The following GFOD2 variants were observed in gnomAD, a reference collection of about 807,000 sequenced individuals.
GFOD2 encodes glucose-fructose oxidoreductase domain-containing protein 2.
GFOD2 carries 9 observed loss-of-function variants against 24.6 expected under a neutral mutation model. The observed-to-expected ratio is 0.37, with a 90% CI of 0.22 to 0.64. The LOEUF is 0.64. Among genes scored for constraint, GFOD2 ranks in the 30% least tolerant of loss-of-function variants. The pLI, the probability that GFOD2 is intolerant of heterozygous loss-of-function variation, is 0.65. For missense variants in GFOD2, 476 were observed against 532.5 expected (o/e 0.89, Z 1.04); for synonymous variants, 211 against 224.8 (o/e 0.94, Z 0.55).
intron 1 of GFOD2, among the ~76,000 whole-genome samples, chr16:67,717,752 C>T (rs558539560): frequency 1.3e-5 from 2 of 151,066 alleles, no homozygotes; most frequent in African/African-American, 4.9e-5. Context: ...GATCGCACCA[C>T]TGCACTCCAG....
intron 2 of GFOD2, chr16:67,677,395 GA>G (rs1194580454): frequency 6.6e-6 from 1 of 152,178 alleles, no homozygotes; most frequent in Non-Finnish European, 1.5e-5. Flanking sequence ...ATTTTTAGTG[GA>G]GACAGGGTTT....
intron 1 of GFOD2, among the ~76,000 whole-genome samples, chr16:67,696,414 G>A (rs1341196953): frequency 3.3e-5 from 5 of 151,450 alleles, no homozygotes; most frequent in Non-Finnish European, 7.4e-5. Flanking sequence ...TGATAATTTT[G>A]AGCCAATATG....
chr16:67,690,268 T>C (rs1192985605), intron 1 of GFOD2, among the ~76,000 whole-genome samples: 2 of 152,248 alleles, frequency 1.3e-5, no homozygotes, highest in Non-Finnish European at 2.9e-5. Context: ...ACAGTGGCTG[T>C]ACCATTTTAC....
In GFOD2 at chr16:67,675,239, C is replaced by T; in HGVS notation, c.1074G>A (p.Gly358=). The change falls in exon 3 of 3, where the codon GGG becomes GGA. Residue 358 remains glycine, a synonymous_variant. Coordinates refer to ENST00000268797, the MANE Select transcript of GFOD2 (RefSeq NM_030819.4). ...VDAIKRSSRS[G]EWEAVEVLTE... ...TCAGCACCTCCACAGCCTCCCACTCCCCGGATCGGCTCGACCTCTTGATGG... is the reference window on the plus strand; with the variant it reads ...TCAGCACCTCCACAGCCTCCCACTCTCCGGATCGGCTCGACCTCTTGATGG... 1 of 1,613,692 alleles carries T rather than the reference C, an allele frequency of 6.2e-7. No individual in the cohort carries two copies. Among genetic ancestry groups the T allele is most frequent in the Non-Finnish European group, 8.5e-7 (1 of 1,180,038 alleles).
chr16:67,697,405 A>G (rs1262261938), intron 1 of GFOD2, among the ~76,000 whole-genome samples: 2 of 152,234 alleles, frequency 1.3e-5, no homozygotes, highest in African/African-American at 2.4e-5. Context: ...CTCTTCTTCA[A>G]AAGTTGAGTA....
Position 67,712,972 on chromosome 16 carries a change from G to A in GFOD2, c.-88+6191C>T, listed in dbSNP as rs561279282. 7.4e-5 allele frequency among the ~76,000 whole-genome samples: 7 copies of A among 95,078 alleles called. 1 individual carries two copies. Among genetic ancestry groups the A allele is most frequent in the Admixed American group, 2.9e-4 (3 of 10,408 alleles). 62.4% of individuals were successfully genotyped at this position (95,078 alleles called of 152,430 possible). On this transcript the variant is annotated intron_variant, in intron 1 of 2. Transcript: ENST00000268797. ...GATGTGAGGAGCGCCTCTGCTGGGC[G>A]CTCAAGTTCAAGTGATTTTCCTGCC... is the stretch of plus-strand genomic sequence containing the variant.
At chr16:67,685,867 T>G in intron 1 of GFOD2, 65 bp from the exon 2 acceptor site, 1 of 947,894 alleles carries the variant, frequency 1.1e-6, no homozygotes, top group Non-Finnish European at 1.5e-6. Context: ...TACTTTCTTT[T>G]TTTTTTGAGA....
At chr16:67,708,006 G>A (rs186896608) in intron 1 of GFOD2, among the ~76,000 whole-genome samples, 11 of 152,214 alleles carry the variant, frequency 7.2e-5, no homozygotes, top group African/African-American at 1.9e-4. Flanking sequence ...TGGCTGAGGC[G>A]GAGGGAATCG....
chr16:67,692,819 G>C (rs570440666), intron 1 of GFOD2, among the ~76,000 whole-genome samples: 2 of 151,596 alleles, frequency 1.3e-5, no homozygotes, highest in East Asian at 3.9e-4. Context: ...GAGGTCAGGA[G>C]ATTGAGACCA....
chr16:67,702,801 T>C lies in GFOD2; in HGVS notation c.-88+16362A>G, dbSNP rs1338313202. Reference sequence around the variant, plus strand: ...TTAGTAGAGATGGGGTTTCACCATGTTGGCCAGGCTAGTATTGAACTCCTG... The same window carrying C: ...TTAGTAGAGATGGGGTTTCACCATGCTGGCCAGGCTAGTATTGAACTCCTG... On this transcript the variant is annotated intron_variant, in intron 1 of 2. Transcript: ENST00000268797. 2.0e-5 allele frequency among the ~76,000 whole-genome samples: 3 copies of C among 151,964 alleles called. No individual in the cohort carries two copies. In the East Asian group the frequency reaches 6.0e-4, roughly 30 times the overall value.
At chr16:67,713,182 C>T (rs1262498919) in intron 1 of GFOD2, among the ~76,000 whole-genome samples, 1 of 151,780 alleles carries the variant, frequency 6.6e-6, no homozygotes, top group Non-Finnish European at 1.5e-5. Context: ...CCACACTGGC[C>T]AGACATAAGC....
intron 1 of GFOD2, among the ~76,000 whole-genome samples, chr16:67,710,399 T>G (rs1331409255): frequency 6.6e-6 from 1 of 151,960 alleles, no homozygotes; most frequent in Admixed American, 6.6e-5. Context: ...CTTTGTTTTT[T>G]GAGACGAAGT....
intron 1 of GFOD2, among the ~76,000 whole-genome samples, chr16:67,690,398 ATTT>A (rs1299554106): frequency 5.1e-5 from 7 of 137,112 alleles, no homozygotes; most frequent in Admixed American, 1.5e-4. Flanking sequence ...ATTATTCACT[ATTT>A]TTTTTTTTTT....
At chr16:67,694,985 CTCTTT>C (rs1430196056) in intron 1 of GFOD2, among the ~76,000 whole-genome samples, 2 of 145,808 alleles carry the variant, frequency 1.4e-5, no homozygotes, top group Non-Finnish European at 3.0e-5. Context: ...CTCCATCTCT[CTCTTT>C]TTTTTTTTTT....
chr16:67,713,056 T>A (rs2053487100), intron 1 of GFOD2, among the ~76,000 whole-genome samples: 1 of 146,576 alleles, frequency 6.8e-6, no homozygotes, highest in Admixed American at 6.7e-5. Flanking sequence ...CTAATTTTTT[T>A]TATTTTTTAT....
At chr16:67,712,929 C>T (rs1355373202) in intron 1 of GFOD2, among the ~76,000 whole-genome samples, 1 of 122,410 alleles carries the variant, frequency 8.2e-6, no homozygotes, top group East Asian at 2.0e-4. Flanking sequence ...AGCACCTCTG[C>T]CCCGCCGCCC....
At chr16:67,682,775 C>G (rs1048801178) in intron 2 of GFOD2, 1 of 985,152 alleles carries the variant, frequency 1.0e-6, no homozygotes, top group Non-Finnish European at 1.2e-6. Context: ...AATCACAGCA[C>G]GAAGACTTGG....
chr16:67,681,072 C>T lies in GFOD2; in HGVS notation c.259+4385G>A, dbSNP rs1460570204. On this transcript the variant is annotated intron_variant, in intron 2 of 2. Coordinates refer to ENST00000268797, the MANE Select transcript of GFOD2 (RefSeq NM_030819.4). ...TCCAGTGCTTCTCCACACTTGTGGG[C>T]CTTCCAGATTAGGGAAGACAATCAC... 3.0e-6 allele frequency: 3 copies of T among 985,338 alleles called. No homozygotes were observed. In the South Asian group the frequency reaches 1.4e-4, roughly 46 times the overall value. The allele number at this position is 985,338 out of a possible 1,614,324, so 61.0% of individuals were successfully genotyped here. A position where few individuals can be genotyped will look rare whatever the true frequency, so the allele number is the denominator to read the frequency against.
intron 1 of GFOD2, among the ~76,000 whole-genome samples, chr16:67,697,727 A>G (rs540542135): frequency 6.6e-6 from 1 of 152,290 alleles, no homozygotes; most frequent in East Asian, 1.9e-4. Context: ...GAGCCAGGCA[A>G]GTTCCTTCCA....
Sources: allele counts gnomAD v4.1 joint callset (sites outside exome capture counted in the v4.1 genomes callset), GRCh38; gene constraint gnomAD v4.1.1; transcripts MANE v1.5; gene names NCBI Gene and HGNC (gene_info 2026-07-23, HGNC 2026-07-21).